Variants in CACNB4 observed in about 807,000 individuals in gnomAD.
The protein encoded by CACNB4 is calcium voltage-gated channel auxiliary subunit beta 4.
In CACNB4, 32 loss-of-function variants were observed where a neutral mutation model predicts 71.2. The observed-to-expected ratio is 0.45, with a 90% CI of 0.34 to 0.60. The LOEUF is 0.60. CACNB4 is among the 20% of genes least tolerant of loss of function. CACNB4 has a pLI of 0.01. For missense variants in CACNB4, 464 were observed against 647.9 expected, an observed-to-expected ratio of 0.72 and a Z score of 3.08; for synonymous variants, 231 against 236.9, an observed-to-expected ratio of 0.97 and a Z score of 0.23.
intron 2 of CACNB4, among the ~76,000 whole-genome samples, chr2:152,032,759 C>A (rs1363931992): frequency 1.3e-5 from 2 of 149,412 alleles, no homozygotes; most frequent in African/African-American, 5.0e-5. Flanking sequence ...TCAAGACCAC[C>A]CAGGGCAATA....
intron 2 of CACNB4, among the ~76,000 whole-genome samples, chr2:151,939,739 A>G (rs2151627857): frequency 6.6e-6 from 1 of 152,298 alleles, no homozygotes; most frequent in South Asian, 2.1e-4. Flanking sequence ...CAGTGACCCA[A>G]GGCACTTATT....
chr2:151,966,136 CT>C (rs1471635179), intron 2 of CACNB4, among the ~76,000 whole-genome samples: 1 of 152,182 alleles, frequency 6.6e-6, no homozygotes, highest in Non-Finnish European at 1.5e-5. Flanking sequence ...AGAAAATGAT[CT>C]ACTCAAATGT....
rs538723204 is a variant in CACNB4 at position 151,998,175 on chromosome 2, A to G, written c.147+100155T>C. ...CTGTCTCTACTAAAAATACAAAAAA[A>G]TTAGCTGGGCATGGTGTTGCACACC... On this transcript the variant is annotated intron_variant, in intron 2 of 13. Coordinates refer to ENST00000539935, the MANE Select transcript of CACNB4 (RefSeq NM_000726.5). 1.1e-4 allele frequency among the ~76,000 whole-genome samples: 17 copies of G among 152,218 alleles called. No individual in the cohort carries two copies. In the South Asian group the frequency reaches 3.5e-3, roughly 32 times the overall value.
chr2:152,000,831 T>C (rs980488151), intron 2 of CACNB4, among the ~76,000 whole-genome samples: 1 of 152,196 alleles, frequency 6.6e-6, no homozygotes, highest in Non-Finnish European at 1.5e-5. Flanking sequence ...CGAGGACTGA[T>C]GCTCATGGCC....
intron 2 of CACNB4, among the ~76,000 whole-genome samples, chr2:151,923,583 A>C (rs1261261991): frequency 6.6e-6 from 1 of 152,252 alleles, no homozygotes; most frequent in African/African-American, 2.4e-5. Flanking sequence ...CTGACATTCC[A>C]TTCTTCAAGT....
intron 2 of CACNB4, among the ~76,000 whole-genome samples, chr2:152,093,206 G>A (rs921566657): frequency 6.6e-5 from 10 of 152,028 alleles, no homozygotes; most frequent in Non-Finnish European, 1.2e-4. Flanking sequence ...TTAGATTTAG[G>A]GAGCTGCCTT....
intron 2 of CACNB4, among the ~76,000 whole-genome samples, chr2:152,050,490 A>T (rs994583741): frequency 3.9e-5 from 6 of 152,180 alleles, no homozygotes; most frequent in African/African-American, 1.4e-4. Flanking sequence ...AGTCGTTCAG[A>T]CCATTAACAT....
intron 2 of CACNB4, among the ~76,000 whole-genome samples, chr2:151,903,390 A>G (rs1230945986): frequency 6.6e-6 from 1 of 152,028 alleles, no homozygotes; most frequent in Non-Finnish European, 1.5e-5. Context: ...GTGGTGGTGC[A>G]CGCCTGTAAT....
chr2:151,946,000 T>C (rs2151646199), intron 2 of CACNB4, among the ~76,000 whole-genome samples: 1 of 150,448 alleles, frequency 6.6e-6, no homozygotes, highest in Middle Eastern at 3.4e-3. Context: ...CTGCTGCTGC[T>C]ACTATTGTTG....
chr2:152,004,145 T>C (rs569984507), intron 2 of CACNB4, among the ~76,000 whole-genome samples: 1 of 152,314 alleles, frequency 6.6e-6, no homozygotes, highest in South Asian at 2.1e-4. Context: ...GACAAATCTT[T>C]GTAGGTACCT....
chr2:152,035,303 G>A (rs575099258), intron 2 of CACNB4, among the ~76,000 whole-genome samples: 12 of 152,328 alleles, frequency 7.9e-5, no homozygotes, highest in African/African-American at 2.9e-4. Context: ...GCTCATGCCT[G>A]TAATCCCAGC....
At chr2:151,909,256 C>A (rs2099855570) in intron 2 of CACNB4, among the ~76,000 whole-genome samples, 2 of 150,888 alleles carry the variant, frequency 1.3e-5, no homozygotes, top group South Asian at 4.2e-4. Flanking sequence ...CGTGGTGAAA[C>A]CCTGTCTCTA....
At chr2:151,916,253 A>G (rs2099857490) in intron 2 of CACNB4, among the ~76,000 whole-genome samples, 1 of 152,108 alleles carries the variant, frequency 6.6e-6, no homozygotes, top group South Asian at 2.1e-4. Flanking sequence ...TTAAATGATT[A>G]TATTCTCTTA....
At chr2:152,055,574 G>T (rs1685679524) in intron 2 of CACNB4, among the ~76,000 whole-genome samples, 1 of 152,132 alleles carries the variant, frequency 6.6e-6, no homozygotes, top group Non-Finnish European at 1.5e-5. Flanking sequence ...TGCAAGACAT[G>T]AATGGATTTG....
intron 2 of CACNB4, among the ~76,000 whole-genome samples, chr2:151,949,994 G>A (rs974490910): frequency 1.3e-5 from 2 of 152,034 alleles, no homozygotes; most frequent in Non-Finnish European, 2.9e-5. Context: ...GTTGCAGTGA[G>A]CTGAGATGGC....
chr2:152,003,713 T>C (rs1009999612), intron 2 of CACNB4, among the ~76,000 whole-genome samples: 3 of 152,166 alleles, frequency 2.0e-5, no homozygotes, highest in Non-Finnish European at 4.4e-5. Context: ...AATTCATCAT[T>C]GTATTGACTA....
chr2:151,934,570 G>A (rs2099862444), intron 2 of CACNB4, among the ~76,000 whole-genome samples: 1 of 152,222 alleles, frequency 6.6e-6, no homozygotes, highest in African/African-American at 2.4e-5. Flanking sequence ...TGGGCACGGT[G>A]GCTCATGCCT....
At position 152,091,065 on chromosome 2, in the gene CACNB4, T is replaced by G. The variant is rs145060940; in HGVS notation, c.147+7265A>C. On this transcript the variant is annotated intron_variant, in intron 2 of 13. Transcript: ENST00000539935. ...TCTCAAAAAAAAAAAAAAGTGAAAT[T>G]TAGGCAATTCTATCCATCAGGAACA... Among the ~76,000 whole-genome samples, 143 of 151,852 alleles carry G rather than the reference T, an allele frequency of 9.4e-4. 1 individual carries two copies. Among genetic ancestry groups the G allele is most frequent in the African/African-American group, 3.2e-3 (131 of 41,390 alleles).
intron 12 of CACNB4, among the ~76,000 whole-genome samples, chr2:151,847,099 CAAAAA>C (rs397766580): frequency 3.8e-5 from 3 of 79,770 alleles, no homozygotes; most frequent in Non-Finnish European, 2.6e-5. Context: ...AAACTGACAC[CAAAAA>C]AAAAAAAAAA....
Sources: gnomAD v4.1 joint callset for allele counts (sites outside exome capture counted in the v4.1 genomes callset) on GRCh38, gnomAD v4.1.1 for gene constraint, MANE v1.5 for transcripts, NCBI Gene and HGNC (gene_info 2026-07-23, HGNC 2026-07-21) for gene names.